CDYL2: variants seen among roughly 807,000 people sequenced by gnomAD.
CDYL2 encodes chromodomain Y-like protein 2.
In CDYL2, 23 loss-of-function variants were observed where a neutral mutation model predicts 49.4. The ratio of observed to expected loss-of-function variants is 0.47; its 90% CI spans 0.34 to 0.66. The LOEUF is 0.66. Among genes scored for constraint, CDYL2 ranks in the 30% least tolerant of loss-of-function variants. The pLI is 0.01. For missense variants in CDYL2, 678 were observed against 656.4 expected, an observed-to-expected ratio of 1.03 and a Z score of -0.36; for synonymous variants, 360 against 268.8, an observed-to-expected ratio of 1.34 and a Z score of -3.32.
chr16:80,740,166 G>C (rs1447434097), intron 1 of CDYL2, among the ~76,000 whole-genome samples: 2 of 152,212 alleles, frequency 1.3e-5, no homozygotes, highest in East Asian at 3.8e-4. Context: ...AGTGTTCCTT[G>C]CTAACCTTGC....
intron 4 of CDYL2, among the ~76,000 whole-genome samples, chr16:80,617,886 G>A (rs1201705675): frequency 6.6e-6 from 1 of 152,158 alleles, no homozygotes; most frequent in African/African-American, 2.4e-5. Flanking sequence ...TCTCAACCCT[G>A]GCTGCACCTG....
chr16:80,749,941 T>C (rs909830376), intron 1 of CDYL2, among the ~76,000 whole-genome samples: 9 of 152,094 alleles, frequency 5.9e-5, no homozygotes, highest in African/African-American at 2.2e-4. Context: ...TGTAGGGACA[T>C]GGATGAAGCT....
intron 2 of CDYL2, among the ~76,000 whole-genome samples, chr16:80,663,198 G>A (rs1909119513): frequency 6.6e-6 from 1 of 151,512 alleles, no homozygotes. Flanking sequence ...TCATCTTGGG[G>A]AGCAGATACA....
chr16:80,623,646 C>T (rs917058492), intron 3 of CDYL2, among the ~76,000 whole-genome samples: 5 of 152,144 alleles, frequency 3.3e-5, no homozygotes, highest in East Asian at 3.9e-4. Context: ...TGCTGCTTTA[C>T]GATATGAACT....
rs368101492 is a variant in CDYL2, at chr16:80,763,506, G to T, written c.24+40644C>A. Reference sequence around the variant, plus strand: ...AGGCACCTGTAATCCCAGCAGCTTGGGAGGCTGAGGTGGGAGAATCACTTG... The same window carrying T: ...AGGCACCTGTAATCCCAGCAGCTTGTGAGGCTGAGGTGGGAGAATCACTTG... On this transcript the variant is annotated intron_variant, in intron 1 of 6. Coordinates refer to ENST00000570137, the MANE Select transcript of CDYL2 (RefSeq NM_152342.4). 4.4e-4 allele frequency among the ~76,000 whole-genome samples: 67 copies of T among 152,186 alleles called. No individual in the cohort carries two copies. The Middle Eastern group carries it at 0.01, about 23-fold the overall frequency.
intron 3 of CDYL2, among the ~76,000 whole-genome samples, chr16:80,623,756 C>T (rs555017243): frequency 6.6e-6 from 1 of 152,152 alleles, no homozygotes; most frequent in South Asian, 2.1e-4. Context: ...TGGGGTGGAG[C>T]TAGACTAGGA....
intron 1 of CDYL2, among the ~76,000 whole-genome samples, chr16:80,802,081 T>C (rs912420194): frequency 1.3e-5 from 2 of 152,158 alleles, no homozygotes; most frequent in South Asian, 4.2e-4. Flanking sequence ...ACTAAGATAG[T>C]TCCAAGGCCA....
intron 2 of CDYL2, 32 bp from the exon 3 acceptor site, chr16:80,633,268 TGAAATGGACC>T (rs746210627): frequency 6.3e-7 from 1 of 1,592,344 alleles, no homozygotes; most frequent in East Asian, 2.2e-5. Flanking sequence ...TGTAAGAAAC[TGAAATGGACC>T]ACGATCCTAG....
intron 1 of CDYL2, among the ~76,000 whole-genome samples, chr16:80,787,715 T>C (rs1168709604): frequency 1.3e-5 from 2 of 152,224 alleles, no homozygotes; most frequent in African/African-American, 2.4e-5. Flanking sequence ...CATCAGTGTT[T>C]TACTGCCTGT....
chr16:80,762,310 C>T lies in CDYL2; in HGVS notation c.24+41840G>A, dbSNP rs570287688. 1.8e-3 allele frequency among the ~76,000 whole-genome samples: 280 copies of T among 152,252 alleles called. 2 individuals carry two copies. Among genetic ancestry groups the T allele is most frequent in the African/African-American group, 6.2e-3 (256 of 41,530 alleles). ...TTCTGACTATACAAATGCAGACCATCGCAAGGAAGAGAAGAAAGAACGTAA... is the reference window on the plus strand; with the variant it reads ...TTCTGACTATACAAATGCAGACCATTGCAAGGAAGAGAAGAAAGAACGTAA... On this transcript the variant is annotated intron_variant, in intron 1 of 6. Coordinates refer to ENST00000570137, the MANE Select transcript of CDYL2 (RefSeq NM_152342.4).
chr16:80,767,423 T>A (rs918358112), intron 1 of CDYL2, among the ~76,000 whole-genome samples: 1 of 152,130 alleles, frequency 6.6e-6, no homozygotes, highest in South Asian at 2.1e-4. Flanking sequence ...TTTAATGCAA[T>A]AGTGAGAATA....
intron 5 of CDYL2, among the ~76,000 whole-genome samples, chr16:80,609,974 G>A (rs894335496): frequency 5.3e-5 from 8 of 152,148 alleles, no homozygotes; most frequent in African/African-American, 1.9e-4. Flanking sequence ...CTGCTGTCCA[G>A]GAGGCATCAT....
At chr16:80,675,167 G>C (rs1278590087) in intron 2 of CDYL2, among the ~76,000 whole-genome samples, 1 of 152,210 alleles carries the variant, frequency 6.6e-6, no homozygotes, top group Non-Finnish European at 1.5e-5. Context: ...TCTGGGAAAG[G>C]TCTGTTGGCT....
rs571385337 is a variant in CDYL2 at position 80,658,153 on chromosome 16, T to C, written c.617-24917A>G. Among the ~76,000 whole-genome samples, 344 of 151,068 alleles carry C rather than the reference T, an allele frequency of 2.3e-3. 1 individual carries two copies. Among genetic ancestry groups the C allele is most frequent in the Non-Finnish European group, 4.0e-3 (271 of 67,674 alleles). On this transcript the variant is annotated intron_variant, in intron 2 of 6. Transcript: ENST00000570137. ...AAGAATAAACCAGAAAACAATGAAA[T>C]TGATTATCACAAGTGGTTGGCAGGG... is the stretch of plus-strand genomic sequence containing the variant.
rs1368355875 is a variant in CDYL2 at position 80,598,183 on chromosome 16, C to T, written c.*6205G>A. ...TTTATAATTCTATGAAGTACTCAGA[C>T]TTACAAATATTCAGAACTAGTTAAA... On this transcript the variant is annotated 3_prime_UTR_variant, in exon 7 of 7. Transcript: ENST00000570137. 6 of 151,942 alleles carry T rather than the reference C, an allele frequency of 3.9e-5. No individual in the cohort carries two copies. Among genetic ancestry groups the T allele is most frequent in the Non-Finnish European group, 7.4e-5 (5 of 68,004 alleles). The allele number at this position is 151,942 out of a possible 1,614,324, so 9.4% of individuals were successfully genotyped here.
At chr16:80,640,164 C>T (rs1481870002) in intron 2 of CDYL2, among the ~76,000 whole-genome samples, 1 of 152,178 alleles carries the variant, frequency 6.6e-6, no homozygotes, top group Non-Finnish European at 1.5e-5. Flanking sequence ...GGTATCACCG[C>T]TCTCCTAACA....
intron 1 of CDYL2, among the ~76,000 whole-genome samples, chr16:80,697,938 T>C (rs1218442387): frequency 2.0e-5 from 3 of 152,048 alleles, no homozygotes; most frequent in Non-Finnish European, 4.4e-5. Flanking sequence ...TGTTCATGGA[T>C]TGGAAGAATA....
intron 2 of CDYL2, among the ~76,000 whole-genome samples, chr16:80,642,090 C>T (rs1908120881): frequency 6.6e-6 from 1 of 151,942 alleles, no homozygotes; most frequent in Non-Finnish European, 1.5e-5. Flanking sequence ...AGACATAGTA[C>T]AATAAGATAT....
intron 2 of CDYL2, among the ~76,000 whole-genome samples, chr16:80,646,273 T>C (rs939693370): frequency 3.3e-5 from 5 of 151,654 alleles, no homozygotes; most frequent in Non-Finnish European, 7.4e-5. Flanking sequence ...AAAAAATATA[T>C]AATGAATACA....
Sources: gnomAD v4.1 joint callset for allele counts (sites outside exome capture counted in the v4.1 genomes callset) on GRCh38, gnomAD v4.1.1 for gene constraint, MANE v1.5 for transcripts, NCBI Gene and HGNC (gene_info 2026-07-23, HGNC 2026-07-21) for gene names.